TRAK1: variants seen among roughly 807,000 people sequenced by gnomAD.
TRAK1 encodes the protein trafficking kinesin-binding protein 1.
A neutral mutation model predicts 92.1 loss-of-function variants in TRAK1; 33 were observed. That is an observed-to-expected ratio of 0.36 (90% CI 0.27 to 0.48). The LOEUF is 0.48. TRAK1 is among the 20% of genes least tolerant of loss of function. TRAK1 has a pLI of 0.99. For missense variants in TRAK1, 1,123 were observed against 1,257.9 expected, an observed-to-expected ratio of 0.89 and a Z score of 1.62; for synonymous variants, 521 against 517.3, an observed-to-expected ratio of 1.01 and a Z score of -0.10.
intron 1 of TRAK1, among the ~76,000 whole-genome samples, chr3:42,081,179 G>A (rs999060704): frequency 3.9e-5 from 6 of 152,124 alleles, no homozygotes; most frequent in African/African-American, 1.4e-4. Context: ...CCTGGCCACT[G>A]TGAGCCACAT....
At chr3:42,176,065 C>T (rs967384996) in intron 2 of TRAK1, among the ~76,000 whole-genome samples, 8 of 152,110 alleles carry the variant, frequency 5.3e-5, no homozygotes, top group African/African-American at 9.7e-5. Flanking sequence ...CAGACAAAAG[C>T]GTTCTTTTGT....
chr3:42,219,835 G>T (rs1276774871), intron 15 of TRAK1, among the ~76,000 whole-genome samples: 1 of 104,366 alleles, frequency 9.6e-6, no homozygotes, highest in East Asian at 3.2e-4. Context: ...TTGCTCTGTT[G>T]CCCAGGCTGG....
rs576000758 is a variant in TRAK1 at position 42,063,252 on chromosome 3, T to C, written c.-518-23852T>C. Among the ~76,000 whole-genome samples the C allele has an allele frequency of 1.4e-3, 209 of 152,386 alleles. 1 individual carries two copies. Among genetic ancestry groups the C allele is most frequent in the Non-Finnish European group, 2.5e-3 (167 of 68,042 alleles). On this transcript the variant is annotated intron_variant, in intron 1 of 16. Transcript: ENST00000487159. ...TTGCCCTCAAGGCCTGAAATAGTTA[T>C]TATTTTCCGCTTCGCGGGAAAAGTT...
At chr3:42,126,543 A>T (rs1710584622) in intron 2 of TRAK1, among the ~76,000 whole-genome samples, 1 of 152,190 alleles carries the variant, frequency 6.6e-6, no homozygotes, top group Non-Finnish European at 1.5e-5. Context: ...ATACTTTATG[A>T]TTCTGGTATT....
intron 1 of TRAK1, among the ~76,000 whole-genome samples, chr3:42,124,978 G>A (rs1352936920): frequency 6.6e-6 from 1 of 152,170 alleles, no homozygotes; most frequent in East Asian, 1.9e-4. Flanking sequence ...ACAGATGAAT[G>A]AATAAATTAA....
chr3:42,055,840 C>T (rs1703184967), intron 1 of TRAK1, among the ~76,000 whole-genome samples: 1 of 152,122 alleles, frequency 6.6e-6, no homozygotes, highest in Non-Finnish European at 1.5e-5. Context: ...CCCCATTTCC[C>T]CCAATCCTCT....
chr3:42,221,071 CTTTTTTTTTTTTT>C (rs369421571), intron 15 of TRAK1, among the ~76,000 whole-genome samples: 3 of 85,396 alleles, frequency 3.5e-5, no homozygotes, highest in African/African-American at 5.0e-5. Flanking sequence ...AGAGAAGGCT[CTTTTTTTTTTTTT>C]TTTTTTTTTG....
chr3:42,149,153 G>T, intron 2 of TRAK1: 4 of 1,010,408 alleles, frequency 4.0e-6, no homozygotes, highest in Non-Finnish European at 3.5e-6. Context: ...AGGAGACGAG[G>T]CTTGAGTGAG....
intron 2 of TRAK1, among the ~76,000 whole-genome samples, chr3:42,140,240 A>C (rs1490628147): frequency 2.0e-5 from 3 of 151,832 alleles, no homozygotes; most frequent in Admixed American, 2.0e-4. Flanking sequence ...AATGAGGAGG[A>C]GATGGTTTGG....
chr3:42,126,350 A>T (rs552085048), intron 2 of TRAK1, among the ~76,000 whole-genome samples: 1 of 152,270 alleles, frequency 6.6e-6, no homozygotes, highest in Admixed American at 6.5e-5. Flanking sequence ...AAAGCTCACT[A>T]AGCTGGATGT....
upstream of TRAK1, among the ~76,000 whole-genome samples, chr3:42,086,068 G>A (rs1401578235): frequency 6.6e-6 from 1 of 152,180 alleles, no homozygotes; most frequent in East Asian, 1.9e-4. Flanking sequence ...TTTTCATTAA[G>A]CTCCTGTTTG....
rs149521969 is a variant in TRAK1, at chr3:42,158,787, CAA to C, written c.287-18006_287-18005del. On this transcript the variant is annotated intron_variant, in intron 2 of 15. Coordinates refer to ENST00000327628, the MANE Select transcript of TRAK1 (RefSeq NM_001042646.3). ...TGAAACCCCGTCTCCACAAAAAATA[CAA>C]AAAAAAAAAAAAAAAAAAAATTAGC... 6.0e-3 allele frequency among the ~76,000 whole-genome samples: 415 copies of C among 69,536 alleles called. 1 individual carries two copies. Among genetic ancestry groups the C allele is most frequent in the African/African-American group, 0.016 (351 of 21,720 alleles). 45.6% of individuals were successfully genotyped at this position (69,536 alleles called of 152,430 possible). A position where few individuals can be genotyped will look rare whatever the true frequency, so the allele number is the denominator to read the frequency against.
intron 1 of TRAK1, 81 bp downstream of exon 1, chr3:42,091,641 T>G: frequency 7.2e-7 from 1 of 1,386,280 alleles, no homozygotes; most frequent in Non-Finnish European, 9.9e-7. Flanking sequence ...CAGGAGAAGC[T>G]GTCTCTCTCT....
intron 1 of TRAK1, among the ~76,000 whole-genome samples, chr3:42,027,705 G>A (rs1036519189): frequency 1.1e-4 from 17 of 152,134 alleles, no homozygotes; most frequent in Admixed American, 2.6e-4. Flanking sequence ...TACTGAAATG[G>A]GTAACTAATT....
intron 13 of TRAK1, among the ~76,000 whole-genome samples, chr3:42,209,142 A>G (rs941436757): frequency 3.9e-5 from 6 of 152,258 alleles, no homozygotes; most frequent in Non-Finnish European, 7.4e-5. Context: ...CTTTAACCCA[A>G]TTCCTTCTCC....
intron 1 of TRAK1, among the ~76,000 whole-genome samples, chr3:42,110,717 T>G (rs979970971): frequency 3.3e-5 from 5 of 152,134 alleles, no homozygotes; most frequent in African/African-American, 1.2e-4. Flanking sequence ...AAGTCTTGCC[T>G]TGTGTATTTT....
chr3:42,079,537 A>G (rs1042413487), intron 1 of TRAK1, among the ~76,000 whole-genome samples: 6 of 146,406 alleles, frequency 4.1e-5, no homozygotes, highest in African/African-American at 1.0e-4. Context: ...CTGGAGTACA[A>G]TGGTGCAGTC....
At chr3:42,032,235 G>T (rs1702171425) in intron 1 of TRAK1, among the ~76,000 whole-genome samples, 1 of 152,242 alleles carries the variant, frequency 6.6e-6, no homozygotes, top group South Asian at 2.1e-4. Context: ...TTCTGGTGGA[G>T]TATGGTAAGA....
intron 2 of TRAK1, among the ~76,000 whole-genome samples, chr3:42,126,224 A>T (rs1710542797): frequency 6.6e-6 from 1 of 152,094 alleles, no homozygotes; most frequent in South Asian, 2.1e-4. Flanking sequence ...AAATCCTTAG[A>T]AACTCACTGG....
Sources: allele counts gnomAD v4.1 joint callset (sites outside exome capture counted in the v4.1 genomes callset), GRCh38; gene constraint gnomAD v4.1.1; transcripts MANE v1.5; gene names NCBI Gene and HGNC (gene_info 2026-07-23, HGNC 2026-07-21).